GLIPR1L2: variants seen among roughly 807,000 people sequenced by gnomAD.
The protein encoded by GLIPR1L2 is GLIPR1-like protein 2.
Under a neutral mutation model 28.4 loss-of-function variants are expected in GLIPR1L2, and 21 were observed. The observed-to-expected ratio is 0.74, with a 90% CI of 0.52 to 1.06. The LOEUF (loss-of-function observed/expected upper bound fraction) is 1.06. Ranked by LOEUF, GLIPR1L2 falls within the 50% of genes least tolerant of loss-of-function variation. The probability of loss-of-function intolerance (pLI) is 0.00; values close to 1 mark genes in which losing one functional copy is unlikely to be tolerated. For synonymous variants in GLIPR1L2, 145 were observed against 139.3 expected (o/e 1.04, Z -0.29); for missense variants, 476 against 416.9 (o/e 1.14, Z -1.23).
intron 1 of GLIPR1L2, among the ~76,000 whole-genome samples, chr12:75,404,362 C>G (rs1282707769): frequency 6.6e-6 from 1 of 152,058 alleles, no homozygotes; most frequent in East Asian, 1.9e-4. Context: ...TCCTCAAACT[C>G]TCAGAAAAAT....
In GLIPR1L2 at chr12:75,402,000, GA is replaced by G. The variant is rs74682242; in HGVS notation, c.235-8426del. On this transcript the variant is annotated intron_variant, in intron 1 of 5. Coordinates refer to ENST00000550916, the MANE Select transcript of GLIPR1L2 (RefSeq NM_001270396.2). ...ACAGCATTCTTATTTGCAAGAACTGGAAAAAAAATAGACACATTCGTGATAA... is the reference window on the plus strand; with the variant it reads ...ACAGCATTCTTATTTGCAAGAACTGGAAAAAAATAGACACATTCGTGATAA... Among the ~76,000 whole-genome samples the G allele has an allele frequency of 7.3e-5, 11 of 151,398 alleles. No homozygotes were observed. In the East Asian group the frequency reaches 1.4e-3, roughly 19 times the overall value.
chr12:75,427,567 G>A (rs4019356), intron 4 of GLIPR1L2, among the ~76,000 whole-genome samples: 26,649 of 152,090 alleles, frequency 0.18, 2,584 homozygotes, highest in Admixed American at 0.24. Flanking sequence ...GGTTCTCTAC[G>A]TGAGAACTCA....
At position 75,410,766 on chromosome 12, in the gene GLIPR1L2, C is replaced by A. The variant is rs566324981; in HGVS notation, c.480+87C>A. 4 of 983,288 alleles carry A rather than the reference C, an allele frequency of 4.1e-6. No homozygotes were observed. In the South Asian group the frequency reaches 7.5e-5, roughly 18 times the overall value. 60.9% of individuals were successfully genotyped at this position (983,288 alleles called of 1,614,324 possible). A position where few individuals can be genotyped will look rare whatever the true frequency, so the allele number is the denominator to read the frequency against. On this transcript the variant is annotated intron_variant, in intron 2 of 5. Coordinates refer to ENST00000550916, the MANE Select transcript of GLIPR1L2 (RefSeq NM_001270396.2). Reference sequence around the variant, plus strand: ...ATTATGTTTCAAATTTGTACATAAACTCAAATAATAAAATTATCACATTTA... The same window carrying A: ...ATTATGTTTCAAATTTGTACATAAAATCAAATAATAAAATTATCACATTTA...
At chr12:75,402,341 A>G (rs1020084894) in intron 1 of GLIPR1L2, among the ~76,000 whole-genome samples, 3 of 152,206 alleles carry the variant, frequency 2.0e-5, no homozygotes, top group African/African-American at 7.2e-5. Flanking sequence ...AGAACAGATA[A>G]TTTCCAATGA....
At chr12:75,409,526 C>T (rs2045838919) in intron 1 of GLIPR1L2, among the ~76,000 whole-genome samples, 1 of 149,564 alleles carries the variant, frequency 6.7e-6, no homozygotes, top group East Asian at 2.0e-4. Context: ...CACTCACCAA[C>T]TACTACCATG....
intron 4 of GLIPR1L2, among the ~76,000 whole-genome samples, chr12:75,428,657 C>G (rs943621954): frequency 6.6e-6 from 1 of 152,206 alleles, no homozygotes; most frequent in African/African-American, 2.4e-5. Flanking sequence ...ATGGCAGCCC[C>G]TCCCATCACA....
intron 1 of GLIPR1L2, among the ~76,000 whole-genome samples, chr12:75,393,377 C>T (rs1039448758): frequency 3.3e-5 from 5 of 151,942 alleles, no homozygotes; most frequent in African/African-American, 9.7e-5. Flanking sequence ...GACTCCATAC[C>T]CATCAAATAA....
At chr12:75,403,933 A>G (rs1462030730) in intron 1 of GLIPR1L2, among the ~76,000 whole-genome samples, 3 of 152,186 alleles carry the variant, frequency 2.0e-5, no homozygotes, top group African/African-American at 7.2e-5. Context: ...TATCTAAACA[A>G]CTATTTGATT....
chr12:75,400,079 A>T (rs1451781360), intron 1 of GLIPR1L2, among the ~76,000 whole-genome samples: 2 of 152,154 alleles, frequency 1.3e-5, no homozygotes, highest in Non-Finnish European at 2.9e-5. Context: ...AGAATACCAT[A>T]CACCTGTGGG....
chr12:75,430,897 A>G lies in GLIPR1L2; in HGVS notation c.771A>G (p.Leu257=). The part of the protein sequence containing the change: ...VVCDPLCTFI[L]LLRILCFILC... ...GTGATCCACTGTGCACATTCATTTT[A>G]TTATTGAGAATATTATGTTTTATCC... Residue 257 remains leucine, a synonymous_variant, in exon 6 of 6, where the codon TTA becomes TTG. Transcript: ENST00000550916. The G allele has an allele frequency of 6.5e-7, 1 of 1,535,902 alleles. No individual in the cohort carries two copies.
At chr12:75,412,918 C>G (rs1036706604) in intron 2 of GLIPR1L2, among the ~76,000 whole-genome samples, 22 of 152,148 alleles carry the variant, frequency 1.4e-4, no homozygotes, top group African/African-American at 4.8e-4. Context: ...TGGCACTATT[C>G]ACAATAGCAA....
At position 75,432,196 on chromosome 12, in the gene GLIPR1L2, T is replaced by C. The variant is rs1213221263; in HGVS notation, c.*1035T>C. The C allele has an allele frequency of 6.6e-6, 1 of 152,194 alleles. No individual in the cohort carries two copies. Among genetic ancestry groups the C allele is most frequent in the Non-Finnish European group, 1.5e-5 (1 of 68,002 alleles). 9.4% of individuals were successfully genotyped at this position (152,194 alleles called of 1,614,324 possible). On this transcript the variant is annotated 3_prime_UTR_variant, in exon 6 of 6. Transcript: ENST00000550916. ...TGGCAAAATAATAAATACCTTTTATTACTCAATTTTAAAATAGGCAAAAAG... is the reference window on the plus strand; with the variant it reads ...TGGCAAAATAATAAATACCTTTTATCACTCAATTTTAAAATAGGCAAAAAG...
chr12:75,423,202 C>G, intron 4 of GLIPR1L2: 1 of 1,390,812 alleles, frequency 7.2e-7, no homozygotes, highest in Non-Finnish European at 9.3e-7. Context: ...TATTCCTTCC[C>G]CTGAGGACAT....
rs1214612277 is a variant in GLIPR1L2, at chr12:75,430,827, A to G, written c.701A>G (p.Tyr234Cys). The part of the protein sequence containing the change: ...SNADRDQATY[Y>C]RFWYPKWEMP... ...TCAATTGCTTCTTTGTTTACAGATT[A>G]CCGATTTTGGTATCCAAAATGGGAA... The change falls in exon 6 of 6, where the codon TAC becomes TGC. Residue 234 changes from tyrosine (Y) to cysteine (C), a missense_variant. Physicochemically the swap from Tyr to Cys is radical, Grantham distance 194. Coordinates refer to ENST00000550916, the MANE Select transcript of GLIPR1L2 (RefSeq NM_001270396.2). 6.5e-7 allele frequency: 1 copy of G among 1,533,104 alleles called. No individual in the cohort carries two copies. Among genetic ancestry groups the G allele is most frequent in the Non-Finnish European group, 8.7e-7 (1 of 1,145,184 alleles). The allele number at this position is 1,533,104 out of a possible 1,614,324, so 95.0% of individuals were successfully genotyped here.
chr12:75,410,796 G>T, intron 2 of GLIPR1L2, 117 bp downstream of exon 2: 2 of 762,982 alleles, frequency 2.6e-6, no homozygotes, highest in East Asian at 2.9e-5. Flanking sequence ...CATTTAATAA[G>T]ATCACAATTT....
chr12:75,423,052 T>C (rs763094683), intron 4 of GLIPR1L2, 63 bp downstream of exon 4: 3 of 1,603,844 alleles, frequency 1.9e-6, no homozygotes, highest in African/African-American at 2.7e-5. Flanking sequence ...AAATAAGCGA[T>C]TGAACACTAG....
chr12:75,419,003 G>C (rs1423873199), intron 3 of GLIPR1L2, among the ~76,000 whole-genome samples: 3 of 152,020 alleles, frequency 2.0e-5, no homozygotes, highest in Non-Finnish European at 4.4e-5. Context: ...TCACACACTG[G>C]GGCCTGTCGG....
At position 75,412,115 on chromosome 12, in the gene GLIPR1L2, C is replaced by T. The variant is rs1012728923; in HGVS notation, c.480+1436C>T. 3.6e-4 allele frequency among the ~76,000 whole-genome samples: 54 copies of T among 151,934 alleles called. 1 individual carries two copies. The highest frequency in any genetic ancestry group is 7.1e-4 in the Non-Finnish European group (48 of 67,910). ...CTTCTCTACTCTTGTATCATTTTTA[C>T]TTTTCTATAATTGGATTGTCTCTCT... is the stretch of plus-strand genomic sequence containing the variant. On this transcript the variant is annotated intron_variant, in intron 2 of 5. Coordinates refer to ENST00000550916, the MANE Select transcript of GLIPR1L2 (RefSeq NM_001270396.2).
At chr12:75,418,323 A>G (rs1422108263) in intron 3 of GLIPR1L2, among the ~76,000 whole-genome samples, 3 of 152,188 alleles carry the variant, frequency 2.0e-5, no homozygotes, top group Non-Finnish European at 4.4e-5. Context: ...TTTCTAATAC[A>G]TAAAAGACTT....
Sources: allele counts gnomAD v4.1 joint callset (sites outside exome capture counted in the v4.1 genomes callset), GRCh38; gene constraint gnomAD v4.1.1; transcripts MANE v1.5; gene names NCBI Gene and HGNC (gene_info 2026-07-23, HGNC 2026-07-21).